ADGRA2: variants seen among roughly 807,000 people sequenced by gnomAD.
The protein encoded by ADGRA2 is G-protein coupled receptor 124.
A neutral mutation model predicts 98.7 loss-of-function variants in ADGRA2; 61 were observed. The ratio of observed to expected loss-of-function variants is 0.62; its 90% confidence interval spans 0.50 to 0.76. ADGRA2 has a LOEUF of 0.76. Ranked by LOEUF, ADGRA2 falls within the 30% of genes least tolerant of loss-of-function variation. ADGRA2 has a pLI of 0.00. For synonymous variants in ADGRA2, 858 were observed against 831.5 expected, an observed-to-expected ratio of 1.03 and a Z score of -0.55; for missense variants, 1,712 against 1,860.0, an observed-to-expected ratio of 0.92 and a Z score of 1.46.
In ADGRA2 at chr8:37,830,851, C is replaced by A. The variant is rs1416410274; in HGVS notation, c.860C>A (p.Pro287His). ...ATCCGCTGGTACCACAACCGAGCCCCTGTGGAGGGTGATGAGCAGGCGGGC... is the reference window on the plus strand; with the variant it reads ...ATCCGCTGGTACCACAACCGAGCCCATGTGGAGGGTGATGAGCAGGCGGGC... Reference protein sequence around the residue: ...TRIRWYHNRAPVEGDEQAGIL... With the variant: ...TRIRWYHNRAHVEGDEQAGIL... The change falls in exon 7 of 19, where the codon CCT (proline) becomes CAT (histidine). Residue 287 changes from proline (P) to histidine (H), a missense_variant. Physicochemically the swap from Pro to His is moderately conservative, Grantham distance 77. Coordinates refer to ENST00000412232, the MANE Select transcript of ADGRA2 (RefSeq NM_032777.10). This position sits in a 1 kb window ranked among gnomAD's most constrained non-coding sequence, Gnocchi z 4.8. 4 of 1,594,116 alleles carry A rather than the reference C, an allele frequency of 2.5e-6. No homozygotes were observed. The highest frequency in any genetic ancestry group is 3.4e-6 in the Non-Finnish European group (4 of 1,170,504).
Position 37,844,851 on chromosome 8 carries a change from A to T in ADGRA2, c.*2496A>T. On this transcript the variant is annotated 3_prime_UTR_variant, in exon 19 of 19. Transcript: ENST00000412232. ...GACCAGTGACTGGCGGTGCTGGAGA[A>T]GGTCACCGATGTGCTTCACCACAGA... 1.2e-6 allele frequency: 2 copies of T among 1,614,182 alleles called. No homozygotes were observed. Among genetic ancestry groups the T allele is most frequent in the Non-Finnish European group, 1.7e-6 (2 of 1,180,032 alleles).
At chr8:37,809,255 C>T (rs965241990) in intron 1 of ADGRA2, among the ~76,000 whole-genome samples, 1 of 151,268 alleles carries the variant, frequency 6.6e-6, no homozygotes, top group Admixed American at 6.6e-5. Context: ...GTGATCATGC[C>T]ACTGTACTCC....
rs984404171 is a variant in ADGRA2, at chr8:37,797,455, C to T, written c.187C>T (p.Arg63Trp). ...GAGCGGCGGCGTCCCTGGCCCGGCT[C>T]GGCGGAGGGTGGTGTGCAGCGGCGG... is the stretch of plus-strand genomic sequence containing the variant. ...GLSGGVPGPA[R>W]RRVVCSGGDL... The change falls in exon 1 of 19, where the codon CGG becomes TGG. Residue 63 changes from arginine to tryptophan, a missense_variant. Physicochemically the swap from Arg to Trp is moderately radical, Grantham distance 101 (BLOSUM62 -3). Coordinates refer to ENST00000412232, the MANE Select transcript of ADGRA2 (RefSeq NM_032777.10). The surrounding 1 kb of genome is among the most constrained non-coding windows in gnomAD (Gnocchi z 5.3). 3.5e-6 allele frequency: 5 copies of T among 1,416,538 alleles called. No individual in the cohort carries two copies. The highest frequency in any genetic ancestry group is 1.5e-5 in the African/African-American group (1 of 67,012). The allele number at this position is 1,416,538 out of a possible 1,614,324, so 87.7% of individuals were successfully genotyped here. A position where few individuals can be genotyped will look rare whatever the true frequency, so the allele number is the denominator to read the frequency against.
intron 13 of ADGRA2, among the ~76,000 whole-genome samples, chr8:37,837,524 C>A (rs1805653581): frequency 6.6e-6 from 1 of 152,238 alleles, no homozygotes; most frequent in South Asian, 2.1e-4. Context: ...ACATTTTCCA[C>A]CATCATCCGC....
intron 2 of ADGRA2, among the ~76,000 whole-genome samples, chr8:37,819,561 G>A (rs1475563173): frequency 3.3e-5 from 5 of 152,144 alleles, no homozygotes. Flanking sequence ...TAGAGACGGT[G>A]TTTCATGTTG....
rs1804354019 is a variant in ADGRA2, at chr8:37,797,233, C to T, written c.-36C>T. On this transcript the variant is annotated 5_prime_UTR_variant, in exon 1 of 19. Coordinates refer to ENST00000412232, the MANE Select transcript of ADGRA2 (RefSeq NM_032777.10). The surrounding 1 kb of genome is among the most constrained non-coding windows in gnomAD (Gnocchi z 5.3). ...TCCCTCCGGCCGGCGCGCAGCCCGGCCCCAGCGCTGTGGGTCCCCGCGGGG... is the reference window on the plus strand; with the variant it reads ...TCCCTCCGGCCGGCGCGCAGCCCGGTCCCAGCGCTGTGGGTCCCCGCGGGG... 8.2e-7 allele frequency: 1 copy of T among 1,222,526 alleles called. No individual in the cohort carries two copies. The highest frequency in any genetic ancestry group is 1.0e-6 in the Non-Finnish European group (1 of 982,844). 75.7% of individuals were successfully genotyped at this position (1,222,526 alleles called of 1,614,324 possible).
rs778939452 is a variant in ADGRA2, at chr8:37,844,516, C to A, written c.*2161C>A. 11 of 1,613,236 alleles carry A rather than the reference C, an allele frequency of 6.8e-6. No individual in the cohort carries two copies. In the African/African-American group the frequency reaches 1.5e-4, roughly 22 times the overall value. ...CAGGGAGGGTTAGGGACACTCGTGG[C>A]AGCCTGTCTAGCAGCCTGGGCTCTC... On this transcript the variant is annotated 3_prime_UTR_variant, in exon 19 of 19. Coordinates refer to ENST00000412232, the MANE Select transcript of ADGRA2 (RefSeq NM_032777.10).
Position 37,829,510 on chromosome 8 carries a change from T to C in ADGRA2, c.505T>C (p.Ser169Pro). ...CAGAAACATATCTGGAAACATCTTC[T>C]CCAGTCTGCAACCTGGGGTCTTTGA... ...LRLNISGNIF[S>P]SLQPGVFDEL... Residue 169 changes from serine to proline, a missense_variant, in exon 5 of 19, where the codon TCC becomes CCC. Physicochemically the swap from Ser to Pro is moderately conservative, Grantham distance 74. Coordinates refer to ENST00000412232, the MANE Select transcript of ADGRA2 (RefSeq NM_032777.10). 1 of 1,613,692 alleles carries C rather than the reference T, an allele frequency of 6.2e-7. No homozygotes were observed. Among genetic ancestry groups the C allele is most frequent in the Middle Eastern group, 1.6e-4 (1 of 6,062 alleles).
At chr8:37,807,192 G>A (rs36059734) in intron 1 of ADGRA2, among the ~76,000 whole-genome samples, 72 of 152,342 alleles carry the variant, frequency 4.7e-4, no homozygotes, top group Non-Finnish European at 8.5e-4. Context: ...AGGGAAGGGT[G>A]GCAGGGAAGT....
Position 37,842,106 on chromosome 8 carries a change from C to T in ADGRA2, c.3768C>T (p.Ser1256=). 1.3e-6 allele frequency: 2 copies of T among 1,506,934 alleles called. No individual in the cohort carries two copies. The highest frequency in any genetic ancestry group is 2.1e-5 in the Admixed American group (1 of 46,556). The allele number at this position is 1,506,934 out of a possible 1,614,324, so 93.3% of individuals were successfully genotyped here. ...CCATGCTCACGCCGTCCGAGGGCAG[C>T]GACACCAGCGCCGCGCCGCTTTCTG... ...GEPMLTPSEG[S]DTSAAPLSEA... is the part of the protein sequence containing the mutation. Residue 1256 remains serine (S), a synonymous_variant, in exon 19 of 19, where the codon AGC becomes AGT. Transcript: ENST00000412232.
At position 37,844,563 on chromosome 8, in the gene ADGRA2, G is replaced by A; in HGVS notation, c.*2208G>A. 2 of 1,614,072 alleles carry A rather than the reference G, an allele frequency of 1.2e-6. No individual in the cohort carries two copies. Among genetic ancestry groups the A allele is most frequent in the Non-Finnish European group, 1.7e-6 (2 of 1,180,016 alleles). ...TCTCTGAAAGTCCCTAACTTCCTGA[G>A]GGGTACGCAAATACTGTTCTATTTC... On this transcript the variant is annotated 3_prime_UTR_variant, in exon 19 of 19. Transcript: ENST00000412232.
chr8:37,838,469 T>C (rs1301230836), intron 14 of ADGRA2, among the ~76,000 whole-genome samples: 1 of 152,054 alleles, frequency 6.6e-6, no homozygotes, highest in Non-Finnish European at 1.5e-5. Context: ...GCCAGGCTGA[T>C]CTCAAACTCC....
At chr8:37,815,172 G>A (rs1340545557) in intron 2 of ADGRA2, among the ~76,000 whole-genome samples, 1 of 152,238 alleles carries the variant, frequency 6.6e-6, no homozygotes, top group Non-Finnish European at 1.5e-5. Flanking sequence ...CGAGAGACCA[G>A]CTCCTCTGCC....
At chr8:37,832,566 G>T (rs931870287) in intron 8 of ADGRA2, among the ~76,000 whole-genome samples, 4 of 152,134 alleles carry the variant, frequency 2.6e-5, no homozygotes, top group African/African-American at 9.7e-5. Context: ...AAACCCCTGG[G>T]CTCAAGCACT....
intron 2 of ADGRA2, among the ~76,000 whole-genome samples, chr8:37,822,616 T>G (rs988327973): frequency 6.6e-6 from 1 of 152,120 alleles, no homozygotes; most frequent in African/African-American, 2.4e-5. Flanking sequence ...CACTCCTCAT[T>G]CCTCCACCCC....
At chr8:37,816,282 C>T (rs1464399247) in intron 2 of ADGRA2, among the ~76,000 whole-genome samples, 2 of 149,578 alleles carry the variant, frequency 1.3e-5, no homozygotes, top group African/African-American at 2.5e-5. Flanking sequence ...AGAGTAAGGC[C>T]CTGTCTCTTA....
chr8:37,840,661 A>G (rs1805760553), intron 17 of ADGRA2, 99 bp from the exon 18 acceptor site: 2 of 728,108 alleles, frequency 2.7e-6, no homozygotes, highest in Non-Finnish European at 5.0e-6. Context: ...TAAAGGGGAA[A>G]GAGGATGGGA....
At chr8:37,840,933 C>T (rs1008489887) in intron 18 of ADGRA2, 84 bp downstream of exon 18, 32 of 1,024,478 alleles carry the variant, frequency 3.1e-5, no homozygotes, top group Non-Finnish European at 4.2e-5. Context: ...TCTGCCAGGT[C>T]CACCCAGCCA....
intron 16 of ADGRA2, 21 bp downstream of exon 16, chr8:37,839,643 T>C (rs768778828): frequency 6.2e-7 from 1 of 1,612,514 alleles, no homozygotes; most frequent in Non-Finnish European, 8.5e-7. Flanking sequence ...GAAGGGGCTC[T>C]GGGGGTGGTG....
Sources: allele counts gnomAD v4.1 joint callset (sites outside exome capture counted in the v4.1 genomes callset), GRCh38; gene constraint gnomAD v4.1.1; non-coding constraint Gnocchi (gnomAD v3.1); transcripts MANE v1.5; gene names NCBI Gene and HGNC (gene_info 2026-07-23, HGNC 2026-07-21).